MSMO1: variants seen among roughly 807,000 people sequenced by gnomAD.
MSMO1 encodes the protein methylsterol monooxygenase 1, also known as C-4 methylsterol oxidase.
In MSMO1, 18 loss-of-function variants were observed where a neutral mutation model predicts 30.4. The ratio of observed to expected loss-of-function variants is 0.59; its 90% CI spans 0.41 to 0.88. The LOEUF is 0.88. MSMO1 is among the 40% of genes least tolerant of loss of function. MSMO1 has a pLI of 0.00. For synonymous variants in MSMO1, 84 were observed against 107.9 expected, an observed-to-expected ratio of 0.78 and a Z score of 1.37; for missense variants, 284 against 340.5, an observed-to-expected ratio of 0.83 and a Z score of 1.31.
chr4:165,338,728 C>A lies in MSMO1; in HGVS notation c.481C>A (p.His161Asn). 6.3e-7 allele frequency: 1 copy of A among 1,596,788 alleles called. No homozygotes were observed. Among genetic ancestry groups the A allele is most frequent in the Non-Finnish European group, 8.6e-7 (1 of 1,164,432 alleles). The stretch of plus-strand genomic sequence containing the variant: ...GCACTATTTTCTGCATAGACTCTTA[C>A]ACCACAAAAGAATATACAAGTATAT... The part of the protein sequence containing the change: ...TWHYFLHRLL[H>N]HKRIYKYIHK... Residue 161 changes from histidine (H) to asparagine (N), a missense_variant, in exon 4 of 6, where the codon CAC becomes AAC. Coordinates refer to ENST00000261507, the MANE Select transcript of MSMO1 (RefSeq NM_006745.5).
chr4:165,338,532 G>T (rs969851249), intron 3 of MSMO1, 120 bp from the exon 4 acceptor site: 6 of 813,720 alleles, frequency 7.4e-6, no homozygotes, highest in Admixed American at 6.5e-5. Context: ...ATCCAATTAG[G>T]TCAACCTGGT....
chr4:165,334,571 G>A (rs1747489663), intron 2 of MSMO1, among the ~76,000 whole-genome samples: 1 of 152,170 alleles, frequency 6.6e-6, no homozygotes, highest in African/African-American at 2.4e-5. Flanking sequence ...AGGAGGTGAT[G>A]CTCCTCGTTT....
chr4:165,342,150 T>C lies in MSMO1; in HGVS notation c.*204T>C. ...CTATATATGTAGAAATGAATAAATA[T>C]ATATTTAAGTACAGTTTTCATGAGG... On this transcript the variant is annotated 3_prime_UTR_variant, in exon 6 of 6. Transcript: ENST00000261507. The C allele has an allele frequency of 2.1e-6, 1 of 478,640 alleles. No individual in the cohort carries two copies. The highest frequency in any genetic ancestry group is 3.7e-6 in the Non-Finnish European group (1 of 268,690). The allele number at this position is 478,640 out of a possible 1,614,324, so 29.6% of individuals were successfully genotyped here.
chr4:165,331,679 G>A (rs892073720), intron 1 of MSMO1, among the ~76,000 whole-genome samples: 3 of 152,144 alleles, frequency 2.0e-5, no homozygotes, highest in Non-Finnish European at 4.4e-5. Context: ...GACTTTTAAA[G>A]CACTATTTAG....
In MSMO1 at chr4:165,341,997, A is replaced by G. The variant is rs755135531; in HGVS notation, c.*51A>G. On this transcript the variant is annotated 3_prime_UTR_variant, in exon 6 of 6. Coordinates refer to ENST00000261507, the MANE Select transcript of MSMO1 (RefSeq NM_006745.5). ...GATAAACGTTTTCCTGAATTCAGAA[A>G]CTAGTAGCTAACATTGCTTCTGGAG... 2 of 1,432,238 alleles carry G rather than the reference A, an allele frequency of 1.4e-6. No individual in the cohort carries two copies. Among genetic ancestry groups the G allele is most frequent in the South Asian group, 1.2e-5 (1 of 85,862 alleles). 88.7% of individuals were successfully genotyped at this position (1,432,238 alleles called of 1,614,324 possible). A position where few individuals can be genotyped will look rare whatever the true frequency, so the allele number is the denominator to read the frequency against.
In MSMO1 at chr4:165,342,168, T is replaced by A; in HGVS notation, c.*222T>A. 2.4e-6 allele frequency: 1 copy of A among 421,432 alleles called. No homozygotes were observed. Among genetic ancestry groups the A allele is most frequent in the Non-Finnish European group, 4.3e-6 (1 of 233,566 alleles). The allele number at this position is 421,432 out of a possible 1,614,324, so 26.1% of individuals were successfully genotyped here. On this transcript the variant is annotated 3_prime_UTR_variant, in exon 6 of 6. Coordinates refer to ENST00000261507, the MANE Select transcript of MSMO1 (RefSeq NM_006745.5). ...ATAAATATATATTTAAGTACAGTTT[T>A]CATGAGGAAGTTTTAAAAGACCATG...
In MSMO1 at chr4:165,342,125, C is replaced by T. The variant is rs1286287861; in HGVS notation, c.*179C>T. 1 of 572,044 alleles carries T rather than the reference C, an allele frequency of 1.7e-6. No homozygotes were observed. Among genetic ancestry groups the T allele is most frequent in the Non-Finnish European group, 3.1e-6 (1 of 324,090 alleles). The allele number at this position is 572,044 out of a possible 1,614,324, so 35.4% of individuals were successfully genotyped here. On this transcript the variant is annotated 3_prime_UTR_variant, in exon 6 of 6. Transcript: ENST00000261507. Reference sequence around the variant, plus strand: ...ACTTTTTCTACTTTACCTACAAGTTCTATATATGTAGAAATGAATAAATAT... The same window carrying T: ...ACTTTTTCTACTTTACCTACAAGTTTTATATATGTAGAAATGAATAAATAT...
intron 1 of MSMO1, among the ~76,000 whole-genome samples, chr4:165,328,658 C>CA (rs1041741463): frequency 2.2e-4 from 34 of 152,150 alleles, no homozygotes; most frequent in African/African-American, 8.2e-4. Flanking sequence ...AACAGGCTTC[C>CA]AGTCATTTAG....
At chr4:165,337,985 G>A in intron 3 of MSMO1, 48 bp downstream of exon 3, 1 of 1,545,010 alleles carries the variant, frequency 6.5e-7, no homozygotes, top group South Asian at 1.1e-5. Flanking sequence ...GGCTTATTCA[G>A]TTAAGTTATA....
intron 1 of MSMO1, among the ~76,000 whole-genome samples, chr4:165,330,674 C>T (rs1365988114): frequency 6.6e-6 from 1 of 152,144 alleles, no homozygotes; most frequent in African/African-American, 2.4e-5. Context: ...GCAAGTAGCT[C>T]AGTGAGTTGT....
chr4:165,337,744 CTG>C (rs1747599050), intron 2 of MSMO1, 43 bp from the exon 3 acceptor site: 1 of 1,598,000 alleles, frequency 6.3e-7, no homozygotes, highest in Non-Finnish European at 8.6e-7. Flanking sequence ...AAGTTAAACT[CTG>C]ATAGCAGAGA....
intron 1 of MSMO1, among the ~76,000 whole-genome samples, chr4:165,331,188 C>G (rs564896237): frequency 6.6e-6 from 1 of 151,932 alleles, no homozygotes; most frequent in Non-Finnish European, 1.5e-5. Context: ...TGCCTGTGGT[C>G]CCAGCTACGA....
chr4:165,335,927 C>A (rs1200839166), intron 2 of MSMO1, among the ~76,000 whole-genome samples: 1 of 152,020 alleles, frequency 6.6e-6, no homozygotes, highest in Non-Finnish European at 1.5e-5. Flanking sequence ...TTAAAAGAAA[C>A]CAAAATATTG....
At chr4:165,331,964 C>T (rs933653060) in intron 1 of MSMO1, among the ~76,000 whole-genome samples, 1 of 151,854 alleles carries the variant, frequency 6.6e-6, no homozygotes, top group Non-Finnish European at 1.5e-5. Context: ...TCCCCTACCC[C>T]GTCGCCACTC....
chr4:165,337,050 C>G (rs994314009), intron 2 of MSMO1, among the ~76,000 whole-genome samples: 2 of 152,210 alleles, frequency 1.3e-5, no homozygotes, highest in African/African-American at 4.8e-5. Context: ...ACATTTAAAA[C>G]AAAGCAATAA....
intron 4 of MSMO1, among the ~76,000 whole-genome samples, chr4:165,339,368 T>C (rs562277779): frequency 6.6e-6 from 1 of 152,166 alleles, no homozygotes; most frequent in Non-Finnish European, 1.5e-5. Flanking sequence ...ACTCGCAAAG[T>C]GCTGGGATTA....
In MSMO1 at chr4:165,337,818, G is replaced by C. The variant is rs1259816862; in HGVS notation, c.285G>C (p.Trp95Cys). 1.2e-6 allele frequency: 2 copies of C among 1,613,692 alleles called. No homozygotes were observed. The highest frequency in any genetic ancestry group is 8.5e-7 in the Non-Finnish European group (1 of 1,179,792). The change falls in exon 3 of 6, where the codon TGG becomes TGC. Residue 95 changes from tryptophan to cysteine, a missense_variant. Physicochemically the swap from Trp to Cys is radical, Grantham distance 215 (BLOSUM62 -2). Transcript: ENST00000261507. ...KDKPETWENQ[W>C]KCFKVLLFNH... The stretch of plus-strand genomic sequence containing the variant: ...AGCCAGAGACATGGGAAAACCAATG[G>C]AAGTGTTTCAAAGTTCTTCTCTTTA...
Position 165,329,064 on chromosome 4 carries a change from T to A in MSMO1, c.-32+1300T>A, listed in dbSNP as rs541315010. Reference sequence around the variant, plus strand: ...TAGGGGAGAGGGCTAGAGATAGAGATGATGGATGTCAGCATATTTTTAAAA... The same window carrying A: ...TAGGGGAGAGGGCTAGAGATAGAGAAGATGGATGTCAGCATATTTTTAAAA... On this transcript the variant is annotated intron_variant, in intron 1 of 5. Coordinates refer to ENST00000261507, the MANE Select transcript of MSMO1 (RefSeq NM_006745.5). Among the ~76,000 whole-genome samples, 28 of 152,272 alleles carry A rather than the reference T, an allele frequency of 1.8e-4. 1 individual carries two copies. Among genetic ancestry groups the A allele is most frequent in the African/African-American group, 6.5e-4 (27 of 41,548 alleles).
intron 2 of MSMO1, among the ~76,000 whole-genome samples, chr4:165,336,216 T>C (rs1747540272): frequency 2.1e-5 from 3 of 140,526 alleles, no homozygotes; most frequent in Non-Finnish European, 4.6e-5. Context: ...TAAAGCAGAC[T>C]TTGCAGGATC....
Sources: gnomAD v4.1 joint callset for allele counts (sites outside exome capture counted in the v4.1 genomes callset) on GRCh38, gnomAD v4.1.1 for gene constraint, MANE v1.5 for transcripts, NCBI Gene and HGNC (gene_info 2026-07-23, HGNC 2026-07-21) for gene names.